RAB38: variants seen among roughly 807,000 people sequenced by gnomAD.
The protein encoded by RAB38 is RAB38, member RAS oncogene family.
RAB38 carries 15 observed loss-of-function variants against 18.4 expected under a neutral mutation model. The observed-to-expected ratio is 0.82, with a 90% CI of 0.55 to 1.26. The LOEUF (loss-of-function observed/expected upper bound fraction) is 1.26. Among genes scored for constraint, RAB38 ranks in the 50% most tolerant of loss-of-function variants. RAB38 has a pLI of 0.00. For missense variants in RAB38, 294 were observed against 267.4 expected (o/e 1.10, Z -0.69); for synonymous variants, 101 against 104.4 (o/e 0.97, Z 0.20).
the RAB38 span, among the ~76,000 whole-genome samples, chr11:88,007,652 G>T: frequency 6.6e-6 from 1 of 152,096 alleles, no homozygotes; most frequent in South Asian, 2.1e-4. Context: ...GAAAGCATAA[G>T]GTGATACAAC....
At chr11:88,083,390 C>A in the RAB38 span, among the ~76,000 whole-genome samples, 1 of 151,774 alleles carries the variant, frequency 6.6e-6, no homozygotes, top group African/African-American at 2.4e-5. Context: ...ATGAAAATGA[C>A]TCACAATGGA....
chr11:87,861,879 G>A, the RAB38 span, among the ~76,000 whole-genome samples: 1 of 151,424 alleles, frequency 6.6e-6, no homozygotes, highest in Non-Finnish European at 1.5e-5. Flanking sequence ...CATTTATATG[G>A]TTATATTCCC....
the RAB38 span, among the ~76,000 whole-genome samples, chr11:88,039,356 T>A: frequency 6.6e-6 from 1 of 151,144 alleles, no homozygotes; most frequent in African/African-American, 2.4e-5. Flanking sequence ...CTTCAGCTAC[T>A]TTTTTTTTAT....
At chr11:88,036,047 A>T in the RAB38 span, among the ~76,000 whole-genome samples, 1 of 152,164 alleles carries the variant, frequency 6.6e-6, no homozygotes, top group Non-Finnish European at 1.5e-5. Context: ...CTTAGTTGTA[A>T]TACTAGTCAG....
chr11:88,146,414 C>A (rs1445624971), intron 2 of RAB38, among the ~76,000 whole-genome samples: 2 of 152,120 alleles, frequency 1.3e-5, no homozygotes, highest in Admixed American at 1.3e-4. Flanking sequence ...GACATTATGT[C>A]GTCACTCAAA....
the RAB38 span, among the ~76,000 whole-genome samples, chr11:87,924,323 A>C: frequency 6.6e-6 from 1 of 152,020 alleles, no homozygotes; most frequent in African/African-American, 2.4e-5. Context: ...AAAACACTTT[A>C]CAAGCACAGG....
At chr11:87,867,514 A>G in the RAB38 span, among the ~76,000 whole-genome samples, 1 of 151,810 alleles carries the variant, frequency 6.6e-6, no homozygotes, top group Non-Finnish European at 1.5e-5. Flanking sequence ...TTTTCTGGAA[A>G]TTGTAAGTAG....
intron 2 of RAB38, among the ~76,000 whole-genome samples, chr11:88,116,942 T>C (rs904949962): frequency 6.6e-6 from 1 of 152,198 alleles, no homozygotes; most frequent in South Asian, 2.1e-4. Flanking sequence ...ATTATCATTA[T>C]GAGAAAAAGA....
At chr11:88,174,637 A>AAAAAAAAAAAAAAAAAAC (rs1555014231) in intron 1 of RAB38, among the ~76,000 whole-genome samples, 17 of 133,666 alleles carry the variant, frequency 1.3e-4, no homozygotes, top group South Asian at 4.8e-4. Flanking sequence ...AAAAAAAAAA[A>AAAAAAAAAAAAAAAAAAC]AAAACAAAAC....
At chr11:87,868,638 A>C in the RAB38 span, among the ~76,000 whole-genome samples, 4 of 149,924 alleles carry the variant, frequency 2.7e-5, no homozygotes, top group Non-Finnish European at 5.9e-5. Context: ...AGAATAAACA[A>C]AAAAGGGATA....
chr11:88,089,628 C>T, the RAB38 span, among the ~76,000 whole-genome samples: 80 of 151,936 alleles, frequency 5.3e-4, no homozygotes, highest in Non-Finnish European at 3.1e-4. Flanking sequence ...CATGGCACAG[C>T]AAGCAGTTGA....
At chr11:87,975,229 G>T in the RAB38 span, among the ~76,000 whole-genome samples, 144,943 of 151,844 alleles carry the variant, frequency 0.95, 69,277 homozygotes, top group South Asian at 0.98. Context: ...CCCCAATTAG[G>T]TGCATCTGCG....
At chr11:87,897,162 C>G in the RAB38 span, among the ~76,000 whole-genome samples, 9 of 151,640 alleles carry the variant, frequency 5.9e-5, no homozygotes, top group South Asian at 1.2e-3. Flanking sequence ...TTTAACCCCC[C>G]CCAAACCAAT....
the RAB38 span, among the ~76,000 whole-genome samples, chr11:87,854,883 C>G: frequency 6.6e-6 from 1 of 152,104 alleles, no homozygotes; most frequent in Non-Finnish European, 1.5e-5. Flanking sequence ...CAAGCTCTGC[C>G]TCCCAGGTTC....
At chr11:88,089,194 C>T in the RAB38 span, among the ~76,000 whole-genome samples, 31 of 150,774 alleles carry the variant, frequency 2.1e-4, no homozygotes, top group African/African-American at 6.8e-4. Context: ...CTCATCTTGA[C>T]ATCCCAGATG....
At chr11:88,025,105 T>C in the RAB38 span, among the ~76,000 whole-genome samples, 144 of 152,020 alleles carry the variant, frequency 9.5e-4, 1 homozygote, top group African/African-American at 3.4e-3. Context: ...ATTGTATGCC[T>C]CAACCAAAAT....
At chr11:88,082,152 G>T in the RAB38 span, among the ~76,000 whole-genome samples, 1 of 151,726 alleles carries the variant, frequency 6.6e-6, no homozygotes, top group East Asian at 1.9e-4. Context: ...TGATGAAAAT[G>T]ATCAATAATA....
intron 2 of RAB38, among the ~76,000 whole-genome samples, chr11:88,134,046 A>G (rs1274203041): frequency 6.6e-6 from 1 of 152,204 alleles, no homozygotes; most frequent in Non-Finnish European, 1.5e-5. Flanking sequence ...CTATACATAC[A>G]TAACAACCAA....
At chr11:87,932,756 G>C in the RAB38 span, among the ~76,000 whole-genome samples, 1 of 151,996 alleles carries the variant, frequency 6.6e-6, no homozygotes, top group East Asian at 1.9e-4. Flanking sequence ...CCAGTGTGTA[G>C]GCAAAAACCA....
Sources: allele counts gnomAD v4.1 joint callset (sites outside exome capture counted in the v4.1 genomes callset), GRCh38; gene constraint gnomAD v4.1.1; transcripts MANE v1.5; gene names NCBI Gene and HGNC (gene_info 2026-07-23, HGNC 2026-07-21).